The following FGF13 variants were observed in gnomAD, a reference collection of about 807,000 sequenced individuals.
FGF13 encodes fibroblast growth factor 13.
FGF13 carries 2 observed loss-of-function variants against 19.5 expected under a neutral mutation model. That is an observed-to-expected ratio of 0.10 (90% confidence interval 0.04 to 0.32). FGF13 has a LOEUF of 0.32. Among genes scored for constraint, FGF13 ranks in the 10% least tolerant of loss-of-function variants. FGF13 has a pLI of 1.00. For synonymous variants in FGF13, 72 were observed against 76.9 expected (o/e 0.94, Z 0.33); for missense variants, 113 against 192.7 (o/e 0.59, Z 2.45).
intron 3 of FGF13, among the ~76,000 whole-genome samples, chrX:138,766,610 G>T (rs2090504241): frequency 8.9e-6 from 1 of 111,980 alleles, no homozygotes; most frequent in Non-Finnish European, 1.9e-5. Flanking sequence ...GTCTACAAAG[G>T]CATAGCTGAG....
At chrX:138,962,816 G>T (rs762307102) in intron 1 of FGF13, among the ~76,000 whole-genome samples, 51 of 111,128 alleles carry the variant, frequency 4.6e-4, no homozygotes, top group Non-Finnish European at 8.7e-4. Flanking sequence ...TGGACACAGG[G>T]TGGGGAACAT....
At chrX:139,002,043 A>T (rs1407081736) in intron 1 of FGF13, among the ~76,000 whole-genome samples, 1 of 111,570 alleles carries the variant, frequency 9.0e-6, no homozygotes, top group Admixed American at 9.5e-5. Flanking sequence ...CTTTGCAGGG[A>T]CATGGATGAA....
At chrX:138,686,653 C>T (rs769043094) in intron 3 of FGF13, among the ~76,000 whole-genome samples, 5 of 111,554 alleles carry the variant, frequency 4.5e-5, no homozygotes, top group Non-Finnish European at 9.4e-5. Flanking sequence ...GGTAGAATTT[C>T]TTGTATTACT....
chrX:138,826,811 A>G (rs906438482), intron 3 of FGF13, among the ~76,000 whole-genome samples: 1 of 112,546 alleles, frequency 8.9e-6, no homozygotes, highest in Admixed American at 9.4e-5. Flanking sequence ...AAATACTCAA[A>G]TAGTAATAAA....
chrX:138,733,011 G>T (rs1395719299), intron 1 of FGF13, among the ~76,000 whole-genome samples: 1 of 111,236 alleles, frequency 9.0e-6, no homozygotes, highest in East Asian at 2.9e-4. Flanking sequence ...GGAACAGCTG[G>T]GCTGCAGAAT....
intron 1 of FGF13, among the ~76,000 whole-genome samples, chrX:139,003,272 G>A (rs1236033560): frequency 1.8e-5 from 2 of 110,159 alleles, no homozygotes; most frequent in Non-Finnish European, 3.8e-5. Flanking sequence ...CGCGTCTGGA[G>A]TTGTTCGTTC....
At chrX:139,010,158 T>G (rs1386358176) in intron 1 of FGF13, among the ~76,000 whole-genome samples, 1 of 111,477 alleles carries the variant, frequency 9.0e-6, no homozygotes, top group Non-Finnish European at 1.9e-5. Context: ...TATAAAACAA[T>G]TACTACTAGA....
At chrX:138,810,775 G>A (rs1246758927) in intron 3 of FGF13, among the ~76,000 whole-genome samples, 2 of 112,015 alleles carry the variant, frequency 1.8e-5, no homozygotes, top group Non-Finnish European at 3.8e-5. Flanking sequence ...CCATCAACAA[G>A]TGGATGAAGG....
chrX:139,184,302 G>A (rs1256205389), intron 1 of FGF13, among the ~76,000 whole-genome samples: 1 of 111,461 alleles, frequency 9.0e-6, no homozygotes, highest in East Asian at 2.8e-4. Context: ...ATGCAGAAAG[G>A]GCTTTACCCT....
intron 3 of FGF13, among the ~76,000 whole-genome samples, chrX:138,805,807 A>G (rs2090862322): frequency 9.0e-6 from 1 of 111,630 alleles, no homozygotes; most frequent in Admixed American, 9.6e-5. Flanking sequence ...GATCTTATTC[A>G]TCTTGCTTAA....
At chrX:138,928,678 T>C (rs1375873761) in intron 1 of FGF13, among the ~76,000 whole-genome samples, 1 of 111,677 alleles carries the variant, frequency 9.0e-6, no homozygotes, top group African/African-American at 3.3e-5. Flanking sequence ...AACTATAGGC[T>C]GGGAAACAAT....
chrX:139,090,948 A>C (rs1430903528), intron 1 of FGF13, among the ~76,000 whole-genome samples: 2 of 107,244 alleles, frequency 1.9e-5, no homozygotes, highest in African/African-American at 3.4e-5. Context: ...TCTCAAAAAA[A>C]AAAAAAAAAA....
At chrX:138,962,925 C>T (rs1810083179) in intron 1 of FGF13, among the ~76,000 whole-genome samples, 1 of 111,394 alleles carries the variant, frequency 9.0e-6, no homozygotes, top group African/African-American at 3.3e-5. Flanking sequence ...AGCACACCAA[C>T]ATGGCACATG....
At chrX:139,146,359 A>T (rs1403817181) in intron 1 of FGF13, among the ~76,000 whole-genome samples, 1 of 112,607 alleles carries the variant, frequency 8.9e-6, no homozygotes, top group Non-Finnish European at 1.9e-5. Flanking sequence ...GCCAAAAGAC[A>T]CATGAAAAAA....
At chrX:139,203,760 CG>C (rs2148285767), upstream of FGF13, among the ~76,000 whole-genome samples, 1 of 112,093 alleles carries the variant, frequency 8.9e-6, no homozygotes, top group South Asian at 3.7e-4. Context: ...CGGTTCCCGG[CG>C]CTCCAGGCTG....
chrX:138,962,250 A>G (rs1206268802), intron 1 of FGF13, among the ~76,000 whole-genome samples: 2 of 112,448 alleles, frequency 1.8e-5, no homozygotes, highest in Non-Finnish European at 3.8e-5. Context: ...AAAAATGCTC[A>G]TCATCACTGG....
intron 3 of FGF13, among the ~76,000 whole-genome samples, chrX:138,817,960 CTAT>C (rs752131765): frequency 9.0e-6 from 1 of 111,661 alleles, no homozygotes; most frequent in African/African-American, 3.3e-5. Flanking sequence ...TTCCAGTAAA[CTAT>C]TATTACCAAA....
intron 1 of FGF13, among the ~76,000 whole-genome samples, chrX:138,998,210 T>G: frequency 9.0e-6 from 1 of 111,658 alleles, no homozygotes. Flanking sequence ...GAACGACCAG[T>G]ACCAGCCACT....
At chrX:139,123,286 A>AT (rs1424591398) in intron 1 of FGF13, among the ~76,000 whole-genome samples, 2 of 111,579 alleles carry the variant, frequency 1.8e-5, no homozygotes, top group South Asian at 3.7e-4. Context: ...TTCTTATTGT[A>AT]TTTTTTTAAA....
Sources: allele counts gnomAD v4.1 joint callset (sites outside exome capture counted in the v4.1 genomes callset), GRCh38; gene constraint gnomAD v4.1.1; transcripts MANE v1.5; gene names NCBI Gene and HGNC (gene_info 2026-07-23, HGNC 2026-07-21).